Variants in MSH4 observed in about 807,000 individuals in gnomAD.
The protein encoded by MSH4 is mutS homolog 4.
Under a neutral mutation model 113.7 loss-of-function variants are expected in MSH4, and 106 were observed. The ratio of observed to expected loss-of-function variants is 0.93; its 90% CI spans 0.80 to 1.10. MSH4 has a LOEUF of 1.10. MSH4 is among the 50% of genes least tolerant of loss of function. The pLI is 0.00. For missense variants in MSH4, 1,061 were observed against 1,093.7 expected, an observed-to-expected ratio of 0.97 and a Z score of 0.42; for synonymous variants, 368 against 380.2, an observed-to-expected ratio of 0.97 and a Z score of 0.37.
intron 8 of MSH4, among the ~76,000 whole-genome samples, chr1:75,855,225 AT>A: frequency 6.6e-6 from 1 of 152,170 alleles, no homozygotes; most frequent in Middle Eastern, 3.4e-3. Flanking sequence ...TTTTGTAGAG[AT>A]GGGGAATTGT....
chr1:75,880,448 A>G (rs947264379), intron 13 of MSH4, among the ~76,000 whole-genome samples: 3 of 152,062 alleles, frequency 2.0e-5, no homozygotes, highest in Non-Finnish European at 2.9e-5. Context: ...TTATTTTCCT[A>G]TGGTCTGTAA....
chr1:75,823,421 C>T (rs1221694467), intron 7 of MSH4, among the ~76,000 whole-genome samples: 1 of 152,068 alleles, frequency 6.6e-6, no homozygotes, highest in African/African-American at 2.4e-5. Flanking sequence ...GAGAACTCAC[C>T]CTAACACAGT....
At chr1:75,868,501 G>A (rs1402686780) in intron 9 of MSH4, among the ~76,000 whole-genome samples, 1 of 152,110 alleles carries the variant, frequency 6.6e-6, no homozygotes, top group East Asian at 1.9e-4. Flanking sequence ...AAGTGATAAA[G>A]GGAACTGCTT....
chr1:75,866,363 C>A (rs532379424), intron 8 of MSH4, among the ~76,000 whole-genome samples: 1 of 152,016 alleles, frequency 6.6e-6, no homozygotes, highest in South Asian at 2.1e-4. Flanking sequence ...AGAGTTTTGC[C>A]ATGTTGCCCA....
intron 4 of MSH4, among the ~76,000 whole-genome samples, chr1:75,812,837 GT>G (rs1373200560): frequency 6.6e-6 from 1 of 152,162 alleles, no homozygotes; most frequent in East Asian, 1.9e-4. Flanking sequence ...GGCAGCCTGA[GT>G]TTTCTTAGGC....
intron 19 of MSH4, among the ~76,000 whole-genome samples, chr1:75,904,787 T>C (rs1652586414): frequency 6.6e-6 from 1 of 152,142 alleles, no homozygotes; most frequent in African/African-American, 2.4e-5. Flanking sequence ...ATTATAGGTC[T>C]ATTCTTGTTT....
intron 18 of MSH4, 46 bp from the exon 19 acceptor site, chr1:75,899,572 C>A: frequency 9.1e-7 from 1 of 1,100,018 alleles, no homozygotes; most frequent in Non-Finnish European, 1.3e-6. Context: ...CATAAAAATG[C>A]CAGCAGTAAC....
Position 75,867,702 on chromosome 1 carries a change from AT to A in MSH4, c.1305+122del, listed in dbSNP as rs544333316. ...AAGAATAACATGGCGAATTTCCCAT[AT>A]TTTTTTTCTTTGTACATACTTTACA... On this transcript the variant is annotated intron_variant, in intron 9 of 19. Transcript: ENST00000263187. The A allele has an allele frequency of 3.7e-3, 2,491 of 674,108 alleles. 5 individuals carry two copies. Among genetic ancestry groups the A allele is most frequent in the Admixed American group, 5.4e-3 (170 of 31,454 alleles). The allele number at this position is 674,108 out of a possible 1,614,324, so 41.8% of individuals were successfully genotyped here. A position where few individuals can be genotyped will look rare whatever the true frequency, so the allele number is the denominator to read the frequency against.
At chr1:75,910,066 G>C (rs1217152291) in intron 19 of MSH4, among the ~76,000 whole-genome samples, 1 of 151,932 alleles carries the variant, frequency 6.6e-6, no homozygotes, top group Non-Finnish European at 1.5e-5. Flanking sequence ...AGTATGCTTA[G>C]ATTTCTCCCC....
At chr1:75,907,649 T>G (rs1267160113) in intron 19 of MSH4, among the ~76,000 whole-genome samples, 1 of 137,396 alleles carries the variant, frequency 7.3e-6, no homozygotes, top group Non-Finnish European at 1.6e-5. Flanking sequence ...AGATTTGCTC[T>G]TCCACGGTGT....
chr1:75,911,068 G>A (rs1309919813), intron 19 of MSH4, among the ~76,000 whole-genome samples: 4 of 151,414 alleles, frequency 2.6e-5, no homozygotes, highest in Non-Finnish European at 5.9e-5. Flanking sequence ...ATATATTTTA[G>A]AATTACCTGC....
chr1:75,803,658 T>G, intron 1 of MSH4, 73 bp from the exon 2 acceptor site: 1 of 1,083,234 alleles, frequency 9.2e-7, no homozygotes, highest in East Asian at 2.8e-5. Flanking sequence ...GAACATGGTA[T>G]AAATTATAAT....
chr1:75,835,948 C>T (rs1225856732), intron 7 of MSH4, among the ~76,000 whole-genome samples: 1 of 152,120 alleles, frequency 6.6e-6, no homozygotes, highest in African/African-American at 2.4e-5. Context: ...TCGGAGTTCA[C>T]CTTTTGCTGG....
At chr1:75,808,489 T>C (rs1014293973) in intron 3 of MSH4, among the ~76,000 whole-genome samples, 2 of 152,218 alleles carry the variant, frequency 1.3e-5, no homozygotes, top group African/African-American at 4.8e-5. Context: ...CTTTTAAAAA[T>C]GCAAATCAAT....
chr1:75,841,900 A>T (rs912032446), intron 7 of MSH4, among the ~76,000 whole-genome samples: 5 of 152,198 alleles, frequency 3.3e-5, no homozygotes, highest in African/African-American at 9.6e-5. Context: ...CTAATTTTTT[A>T]AACTATTGGC....
At position 75,855,041 on chromosome 1, in the gene MSH4, T is replaced by C. The variant is rs574372532; in HGVS notation, c.1230+6765T>C. ...AATTAGTATTTGTATTAGTTTTTTTTTTTCTTTCTTTTTTGAGACAGAGTC... is the reference window on the plus strand; with the variant it reads ...AATTAGTATTTGTATTAGTTTTTTTCTTTCTTTCTTTTTTGAGACAGAGTC... On this transcript the variant is annotated intron_variant, in intron 8 of 19. Transcript: ENST00000263187. Among the ~76,000 whole-genome samples the C allele has an allele frequency of 7.1e-3, 1,085 of 152,186 alleles. 10 individuals are homozygous for C. Among genetic ancestry groups the C allele is most frequent in the Non-Finnish European group, 0.011 (769 of 67,984 alleles).
At chr1:75,839,785 T>A (rs1650912002) in intron 7 of MSH4, among the ~76,000 whole-genome samples, 1 of 147,146 alleles carries the variant, frequency 6.8e-6, no homozygotes, top group African/African-American at 2.5e-5. Flanking sequence ...AAAGGGCTAA[T>A]ATCCAGAATC....
intron 8 of MSH4, among the ~76,000 whole-genome samples, chr1:75,859,813 C>T (rs1189781588): frequency 1.3e-5 from 2 of 152,110 alleles, no homozygotes; most frequent in African/African-American, 2.4e-5. Context: ...TCCTGGATAT[C>T]CTTGTTAATT....
intron 1 of MSH4, among the ~76,000 whole-genome samples, chr1:75,799,093 T>G (rs944930649): frequency 7.2e-5 from 11 of 152,218 alleles, no homozygotes; most frequent in African/African-American, 2.7e-4. Flanking sequence ...CTGAGCTACT[T>G]GCAATTCCTT....
Sources: gnomAD v4.1 joint callset for allele counts (sites outside exome capture counted in the v4.1 genomes callset) on GRCh38, gnomAD v4.1.1 for gene constraint, MANE v1.5 for transcripts, NCBI Gene and HGNC (gene_info 2026-07-23, HGNC 2026-07-21) for gene names.